PTP4A2: variants seen among roughly 807,000 people sequenced by gnomAD.
The protein encoded by PTP4A2 is protein tyrosine phosphatase type IVA 2.
Under a neutral mutation model 22.9 loss-of-function variants are expected in PTP4A2, and 2 were observed. The ratio of observed to expected loss-of-function variants is 0.09; its 90% confidence interval spans 0.04 to 0.27. The LOEUF is 0.27. PTP4A2 is among the 10% of genes least tolerant of loss of function. PTP4A2 has a pLI of 1.00. For synonymous variants in PTP4A2, 68 were observed against 69.1 expected, an observed-to-expected ratio of 0.98 and a Z score of 0.08; for missense variants, 103 against 205.1, an observed-to-expected ratio of 0.50 and a Z score of 3.04.
intron 5 of PTP4A2, among the ~76,000 whole-genome samples, chr1:31,909,609 T>C (rs1203379137): frequency 6.6e-6 from 1 of 151,674 alleles, no homozygotes; most frequent in Non-Finnish European, 1.5e-5. Context: ...GAGGCAGAGG[T>C]TGCAGTGAGC....
At chr1:31,922,314 T>A (rs1652195132) in intron 1 of PTP4A2, among the ~76,000 whole-genome samples, 1 of 152,182 alleles carries the variant, frequency 6.6e-6, no homozygotes, top group South Asian at 2.1e-4. Flanking sequence ...AGAAACCCCA[T>A]CTCTACTAAA....
chr1:31,920,843 A>G (rs755712735), intron 1 of PTP4A2, among the ~76,000 whole-genome samples: 8 of 151,792 alleles, frequency 5.3e-5, no homozygotes, highest in Non-Finnish European at 1.2e-4. Context: ...TGGCCCATGA[A>G]CTCTTCATAA....
chr1:31,923,374 G>A (rs1238602327), intron 1 of PTP4A2, among the ~76,000 whole-genome samples: 6 of 123,542 alleles, frequency 4.9e-5, no homozygotes, highest in East Asian at 2.4e-4. Flanking sequence ...TTGCTCTGTC[G>A]CCCAGGCTGG....
chr1:31,928,235 T>C (rs1211805357), intron 1 of PTP4A2, among the ~76,000 whole-genome samples: 2 of 147,298 alleles, frequency 1.4e-5, no homozygotes, highest in Non-Finnish European at 3.0e-5. Context: ...TAATATAATA[T>C]ATAGCATAAT....
chr1:31,935,421 T>TA (rs1321512584), intron 1 of PTP4A2, among the ~76,000 whole-genome samples: 1 of 152,190 alleles, frequency 6.6e-6, no homozygotes, highest in Non-Finnish European at 1.5e-5. Context: ...ACAGCTCTCC[T>TA]AAGTACTAGC....
At chr1:31,927,004 C>G (rs1163282532) in intron 1 of PTP4A2, among the ~76,000 whole-genome samples, 1 of 152,050 alleles carries the variant, frequency 6.6e-6, no homozygotes. Flanking sequence ...ATGCTAGGAA[C>G]AAGGGAACCA....
chr1:31,937,205 T>A (rs2124288479), intron 1 of PTP4A2, among the ~76,000 whole-genome samples: 1 of 152,106 alleles, frequency 6.6e-6, no homozygotes, highest in Non-Finnish European at 1.5e-5. Context: ...TTTGAAGTCA[T>A]GAAACGTGGG....
intron 1 of PTP4A2, among the ~76,000 whole-genome samples, chr1:31,919,994 T>A (rs1312796524): frequency 7.1e-6 from 1 of 139,986 alleles, no homozygotes; most frequent in African/African-American, 2.7e-5. Flanking sequence ...GGTGTGGTGG[T>A]GCATGCCTGT....
intron 1 of PTP4A2, chr1:31,932,964 G>A (rs965414917): frequency 3.3e-5 from 5 of 152,006 alleles, no homozygotes; most frequent in African/African-American, 7.3e-5. Context: ...ACCTCTATAC[G>A]TAGTTAATAG....
chr1:31,918,723 G>A (rs577989287), intron 2 of PTP4A2, among the ~76,000 whole-genome samples: 26 of 152,272 alleles, frequency 1.7e-4, no homozygotes, highest in Non-Finnish European at 3.1e-4. Context: ...ATTACTGAAT[G>A]TTTGACCAAA....
Position 31,908,980 on chromosome 1 carries a change from A to C in PTP4A2, c.396-20T>G. 1 of 1,538,964 alleles carries C rather than the reference A, an allele frequency of 6.5e-7. No individual in the cohort carries two copies. The highest frequency in any genetic ancestry group is 9.0e-7 in the Non-Finnish European group (1 of 1,112,166). ...CTTTTTCTGAAAATACAAGAATGGC[A>C]AACTTTATCATGTAAAAAAAGAGCT... On this transcript the variant is annotated intron_variant, in intron 5 of 5. Transcript: ENST00000647444.
chr1:31,926,781 T>C (rs1436813564), intron 1 of PTP4A2, among the ~76,000 whole-genome samples: 1 of 152,122 alleles, frequency 6.6e-6, no homozygotes. Flanking sequence ...AATAAAAATG[T>C]CACTGCTCTG....
intron 3 of PTP4A2, among the ~76,000 whole-genome samples, chr1:31,914,969 C>T (rs2124165731): frequency 6.6e-6 from 1 of 152,316 alleles, no homozygotes; most frequent in East Asian, 1.9e-4. Flanking sequence ...CTCTCCTCAT[C>T]CTCTTATCCC....
intron 1 of PTP4A2, among the ~76,000 whole-genome samples, chr1:31,937,009 T>C (rs1297421976): frequency 1.3e-5 from 2 of 152,130 alleles, no homozygotes; most frequent in Admixed American, 6.5e-5. Flanking sequence ...AGACTACAGT[T>C]CAATTTACCT....
chr1:31,906,587 T>C lies in PTP4A2; in HGVS notation c.*2265A>G, dbSNP rs1651172064. 1 of 151,940 alleles carries C rather than the reference T, an allele frequency of 6.6e-6. No individual in the cohort carries two copies. Among genetic ancestry groups the C allele is most frequent in the Non-Finnish European group, 1.5e-5 (1 of 68,002 alleles). The allele number at this position is 151,940 out of a possible 1,614,324, so 9.4% of individuals were successfully genotyped here. ...AAAAAATTGCTTTAAGGAAAAAAAA[T>C]CCAGTTTTAAGAACAATTAACATTA... is the stretch of plus-strand genomic sequence containing the variant. On this transcript the variant is annotated 3_prime_UTR_variant, in exon 6 of 6. Coordinates refer to ENST00000647444, the MANE Select transcript of PTP4A2 (RefSeq NM_080391.4).
At position 31,919,176 on chromosome 1, in the gene PTP4A2, A is replaced by G. The variant is rs1652015712; in HGVS notation, c.-111T>C. Reference sequence around the variant, plus strand: ...AGCAGAAAACATTAAAAAGACCACTAAAATGCCTATTATCAATCAGTGTTT... The same window carrying G: ...AGCAGAAAACATTAAAAAGACCACTGAAATGCCTATTATCAATCAGTGTTT... On this transcript the variant is annotated 5_prime_UTR_variant, in exon 2 of 6. Transcript: ENST00000647444. 1 of 576,596 alleles carries G rather than the reference A, an allele frequency of 1.7e-6. No homozygotes were observed. The highest frequency in any genetic ancestry group is 3.1e-5 in the Admixed American group (1 of 32,782). 35.7% of individuals were successfully genotyped at this position (576,596 alleles called of 1,614,324 possible). A position where few individuals can be genotyped will look rare whatever the true frequency, so the allele number is the denominator to read the frequency against.
At chr1:31,935,479 TGA>T (rs1457096616) in intron 1 of PTP4A2, 1 of 152,218 alleles carries the variant, frequency 6.6e-6, no homozygotes, top group Non-Finnish European at 1.5e-5. Context: ...GAGGAGCTAC[TGA>T]GAGAGTAGTA....
intron 2 of PTP4A2, among the ~76,000 whole-genome samples, chr1:31,917,810 C>T (rs1176927345): frequency 6.6e-6 from 1 of 151,650 alleles, no homozygotes; most frequent in African/African-American, 2.4e-5. Flanking sequence ...TTCGTCTCTA[C>T]TAAAAATACA....
At chr1:31,920,758 G>C (rs1331382431) in intron 1 of PTP4A2, among the ~76,000 whole-genome samples, 2 of 151,782 alleles carry the variant, frequency 1.3e-5, no homozygotes, top group Non-Finnish European at 2.9e-5. Context: ...GGCTCATCTC[G>C]AACTCCTGAC....
Sources: allele counts gnomAD v4.1 joint callset (sites outside exome capture counted in the v4.1 genomes callset), GRCh38; gene constraint gnomAD v4.1.1; transcripts MANE v1.5; gene names NCBI Gene and HGNC (gene_info 2026-07-23, HGNC 2026-07-21).